The following TRIT1 variants were observed in gnomAD, a reference collection of about 807,000 sequenced individuals.
TRIT1 encodes tRNA isopentenyltransferase 1, also known as tRNA dimethylallyltransferase.
Under a neutral mutation model 51.2 loss-of-function variants are expected in TRIT1, and 43 were observed. The observed-to-expected ratio is 0.84, with a 90% CI of 0.66 to 1.08. The LOEUF (loss-of-function observed/expected upper bound fraction) is 1.08, where lower values mean the gene tolerates loss of function less well. Among genes scored for constraint, TRIT1 ranks in the 50% least tolerant of loss-of-function variants. The pLI is 0.00. For missense variants in TRIT1, 528 were observed against 578.4 expected, an observed-to-expected ratio of 0.91 and a Z score of 0.89; for synonymous variants, 184 against 203.9, an observed-to-expected ratio of 0.90 and a Z score of 0.83.
chr1:39,881,163 T>C (rs1377757976), intron 1 of TRIT1, among the ~76,000 whole-genome samples: 1 of 147,688 alleles, frequency 6.8e-6, no homozygotes, highest in Admixed American at 6.7e-5. Flanking sequence ...GAGGCAGAGG[T>C]TGCAGTGAGC....
intron 5 of TRIT1, among the ~76,000 whole-genome samples, chr1:39,849,437 G>C (rs1362827423): frequency 6.6e-6 from 1 of 151,940 alleles, no homozygotes; most frequent in Non-Finnish European, 1.5e-5. Flanking sequence ...TTGCAAACTG[G>C]TCTCTGACTC....
intron 3 of TRIT1, among the ~76,000 whole-genome samples, chr1:39,853,460 A>G (rs3768307): frequency 0.55 from 82,703 of 151,642 alleles, 24,696 homozygotes; most frequent in African/African-American, 0.82. Context: ...ACAGTGGCGC[A>G]ATCTCAGCTC....
intron 1 of TRIT1, among the ~76,000 whole-genome samples, chr1:39,865,671 C>CAAA (rs142393332): frequency 0.032 from 2,198 of 68,208 alleles, 115 homozygotes; most frequent in African/African-American, 0.1. Context: ...TCTGTCTCTA[C>CAAA]AAAAAAAAAA....
At chr1:39,868,932 C>T (rs1451608844) in intron 1 of TRIT1, among the ~76,000 whole-genome samples, 1 of 152,060 alleles carries the variant, frequency 6.6e-6, no homozygotes, top group Non-Finnish European at 1.5e-5. Context: ...TGGTGGCAGG[C>T]ATGTGTAATC....
intron 1 of TRIT1, among the ~76,000 whole-genome samples, chr1:39,876,893 A>C (rs1282230302): frequency 1.4e-5 from 2 of 145,836 alleles, no homozygotes; most frequent in East Asian, 2.0e-4. Context: ...GAGTCACTGC[A>C]CTCCAGCCTG....
intron 1 of TRIT1, among the ~76,000 whole-genome samples, chr1:39,862,423 T>C (rs948584445): frequency 2.6e-5 from 4 of 152,232 alleles, no homozygotes; most frequent in Non-Finnish European, 4.4e-5. Flanking sequence ...GGTAATGTTC[T>C]ATTTCTTGTG....
intron 10 of TRIT1, 75 bp downstream of exon 10, chr1:39,844,026 C>A: frequency 2.9e-6 from 3 of 1,046,324 alleles, no homozygotes; most frequent in Non-Finnish European, 4.4e-6. Context: ...TTCAATCTGC[C>A]AAAGACTCTA....
At chr1:39,851,288 A>G (rs1459551850) in intron 4 of TRIT1, among the ~76,000 whole-genome samples, 1 of 152,214 alleles carries the variant, frequency 6.6e-6, no homozygotes, top group Non-Finnish European at 1.5e-5. Context: ...TCTTGCTTAG[A>G]ACCTATTGAC....
rs558814494 is a variant in TRIT1 at position 39,839,841 on chromosome 1, G to A, written c.*1903C>T. On this transcript the variant is annotated 3_prime_UTR_variant, in exon 11 of 11. Transcript: ENST00000316891. ...ATGGAAGGATTAAAAGCTTTTTGACGTACAATTATTAAAACTAGTTTTTCC... is the reference window on the plus strand; with the variant it reads ...ATGGAAGGATTAAAAGCTTTTTGACATACAATTATTAAAACTAGTTTTTCC... Among the ~76,000 whole-genome samples the A allele has an allele frequency of 9.9e-5, 15 of 152,236 alleles. No individual in the cohort carries two copies. The East Asian group carries it at 1.7e-3, about 18-fold the overall frequency.
intron 1 of TRIT1, among the ~76,000 whole-genome samples, chr1:39,870,297 G>C (rs1211345689): frequency 2.6e-5 from 4 of 152,116 alleles, no homozygotes; most frequent in African/African-American, 9.7e-5. Flanking sequence ...TTGTTAAACA[G>C]ATGCTTGAAG....
chr1:39,877,038 A>C (rs964458314), intron 1 of TRIT1, among the ~76,000 whole-genome samples: 5 of 148,644 alleles, frequency 3.4e-5, no homozygotes, highest in African/African-American at 9.8e-5. Flanking sequence ...AAAAAAAAAA[A>C]AAAAAACAGG....
intron 2 of TRIT1, among the ~76,000 whole-genome samples, chr1:39,856,025 A>C (rs1469227034): frequency 6.6e-6 from 1 of 151,740 alleles, no homozygotes; most frequent in African/African-American, 2.4e-5. Context: ...AAAATAAAAT[A>C]GCCGGGCATG....
rs976398747 is a variant in TRIT1, at chr1:39,839,296, T to C, written c.*2448A>G. Reference sequence around the variant, plus strand: ...AATAGCCCAAAGCTCTATGGTACTTTTCAGCTCTCAAATGAGATTTGGTAT... The same window carrying C: ...AATAGCCCAAAGCTCTATGGTACTTCTCAGCTCTCAAATGAGATTTGGTAT... On this transcript the variant is annotated 3_prime_UTR_variant, in exon 11 of 11. Coordinates refer to ENST00000316891, the MANE Select transcript of TRIT1 (RefSeq NM_017646.6). Among the ~76,000 whole-genome samples, 8 of 152,180 alleles carry C rather than the reference T, an allele frequency of 5.3e-5. No homozygotes were observed. Among genetic ancestry groups the C allele is most frequent in the African/African-American group, 1.9e-4 (8 of 41,450 alleles).
At chr1:39,881,217 A>G (rs1358123935) in intron 1 of TRIT1, among the ~76,000 whole-genome samples, 3 of 145,780 alleles carry the variant, frequency 2.1e-5, no homozygotes, top group Non-Finnish European at 4.5e-5. Flanking sequence ...CAAGAGCGAA[A>G]CTCTGTCTCC....
chr1:39,849,673 G>A (rs1642446131), intron 5 of TRIT1, among the ~76,000 whole-genome samples: 1 of 152,210 alleles, frequency 6.6e-6, no homozygotes, highest in Admixed American at 6.5e-5. Flanking sequence ...CTTACTGAAT[G>A]TTTGCTGGAT....
intron 1 of TRIT1, among the ~76,000 whole-genome samples, chr1:39,864,597 CAAAAAAAAAAAAA>C (rs58041605): frequency 1.0e-5 from 1 of 97,322 alleles, no homozygotes; most frequent in Non-Finnish European, 2.1e-5. Flanking sequence ...GACTCTGTCT[CAAAAAAAAAAAAA>C]AAAAAAAATT....
chr1:39,853,648 G>A (rs1213300362), intron 3 of TRIT1, among the ~76,000 whole-genome samples: 2 of 152,150 alleles, frequency 1.3e-5, no homozygotes, highest in Non-Finnish European at 2.9e-5. Flanking sequence ...CTGACCTCAG[G>A]TGAGCCACCC....
intron 6 of TRIT1, 33 bp downstream of exon 6, chr1:39,847,953 G>T: frequency 6.3e-7 from 1 of 1,578,036 alleles, no homozygotes; most frequent in Non-Finnish European, 8.7e-7. Flanking sequence ...GCAAAATATG[G>T]ACAGTAGGTC....
intron 1 of TRIT1, among the ~76,000 whole-genome samples, chr1:39,872,917 A>C (rs1291251785): frequency 1.3e-5 from 2 of 151,950 alleles, no homozygotes; most frequent in East Asian, 3.9e-4. Flanking sequence ...GAAAAGAAAG[A>C]CTCTGATGAA....
Sources: allele counts gnomAD v4.1 joint callset (sites outside exome capture counted in the v4.1 genomes callset), GRCh38; gene constraint gnomAD v4.1.1; transcripts MANE v1.5; gene names NCBI Gene and HGNC (gene_info 2026-07-23, HGNC 2026-07-21).